The following JADE1 variants were observed in gnomAD, a reference collection of about 807,000 sequenced individuals.
JADE1 encodes protein Jade-1.
A neutral mutation model predicts 81.8 loss-of-function variants in JADE1; 14 were observed. The ratio of observed to expected loss-of-function variants is 0.17; its 90% CI spans 0.11 to 0.27. The LOEUF (loss-of-function observed/expected upper bound fraction) is 0.27, where lower values mean the gene tolerates loss of function less well. Ranked by LOEUF, JADE1 falls within the 10% of genes least tolerant of loss-of-function variation. The pLI, the probability that JADE1 is intolerant of heterozygous loss-of-function variation, is 1.00. For missense variants in JADE1, 690 were observed against 1,047.9 expected (o/e 0.66, Z 4.71); for synonymous variants, 353 against 391.9 (o/e 0.90, Z 1.17).
chr4:128,826,325 T>C (rs58728331), intron 1 of JADE1, among the ~76,000 whole-genome samples: 3,402 of 152,150 alleles, frequency 0.022, 110 homozygotes, highest in African/African-American at 0.074. Flanking sequence ...CATTGCAGTG[T>C]TCCCTATACC....
chr4:128,832,951 T>G (rs1401022447), intron 2 of JADE1, among the ~76,000 whole-genome samples: 1 of 151,940 alleles, frequency 6.6e-6, no homozygotes, highest in Non-Finnish European at 1.5e-5. Flanking sequence ...ACGGGGCTTT[T>G]GGGGAGGAGA....
At chr4:128,833,626 G>A (rs1375601807) in intron 2 of JADE1, among the ~76,000 whole-genome samples, 5 of 152,142 alleles carry the variant, frequency 3.3e-5, no homozygotes, top group Admixed American at 1.3e-4. Flanking sequence ...CCCAGGAGAC[G>A]GAGGTTGCAG....
chr4:128,809,937 T>C (rs1281747855), intron 1 of JADE1, 60 bp downstream of exon 1: 4 of 149,468 alleles, frequency 2.7e-5, no homozygotes, highest in African/African-American at 7.4e-5. Context: ...TGTCCGCGCG[T>C]GTCCGCGTGT....
rs754590648 is a variant in JADE1 at position 128,871,964 on chromosome 4, C to T, written c.2231C>T (p.Pro744Leu). 1.9e-6 allele frequency: 3 copies of T among 1,613,914 alleles called. No individual in the cohort carries two copies. Among genetic ancestry groups the T allele is most frequent in the South Asian group, 2.2e-5 (2 of 91,074 alleles). The change falls in exon 11 of 11, where the codon CCA (proline) becomes CTA (leucine). Residue 744 changes from proline (P) to leucine (L), a missense_variant. Physicochemically the swap from Pro to Leu is moderately conservative, Grantham distance 98. Coordinates refer to ENST00000226319, the MANE Select transcript of JADE1 (RefSeq NM_199320.4). This position sits in a 1 kb window ranked among gnomAD's most constrained non-coding sequence, Gnocchi z 4.1. The part of the protein sequence containing the change: ...AVKVPTTPAS[P>L]VKNWGGFRIP... The stretch of plus-strand genomic sequence containing the variant: ...AAAGTGCCTACAACACCTGCCAGCC[C>T]AGTGAAAAACTGGGGAGGATTCCGG...
chr4:128,834,719 A>G lies in JADE1; in HGVS notation c.52+2909A>G, dbSNP rs181935053. Among the ~76,000 whole-genome samples the G allele has an allele frequency of 3.8e-3, 574 of 151,938 alleles. 1 individual carries two copies. The highest frequency in any genetic ancestry group is 0.011 in the African/African-American group (475 of 41,436). The stretch of plus-strand genomic sequence containing the variant: ...CGGCTACTTTTTTGTATTTTTTAGT[A>G]GAGACAGGGTTTCATCATGTTAGCC... On this transcript the variant is annotated intron_variant, in intron 2 of 10. Transcript: ENST00000226319.
rs1732358547 is a variant in JADE1, at chr4:128,873,442, T to G, written c.*1180T>G. ...TGAATAGGTTTTCTGTAGTCAGAGT[T>G]CTAAACTCTAATTTGTAACTTGGAC... On this transcript the variant is annotated 3_prime_UTR_variant, in exon 11 of 11. Transcript: ENST00000226319. 6.6e-6 allele frequency: 1 copy of G among 152,616 alleles called. No individual in the cohort carries two copies. Among genetic ancestry groups the G allele is most frequent in the South Asian group, 2.1e-4 (1 of 4,824 alleles). 9.5% of individuals were successfully genotyped at this position (152,616 alleles called of 1,614,324 possible). A position where few individuals can be genotyped will look rare whatever the true frequency, so the allele number is the denominator to read the frequency against.
intron 8 of JADE1, among the ~76,000 whole-genome samples, chr4:128,859,504 TGTATGCGTGTGA>T (rs1443711176): frequency 6.6e-6 from 1 of 152,026 alleles, no homozygotes; most frequent in East Asian, 1.9e-4. Context: ...TGTGTATGTG[TGTATGCGTGTGA>T]GTATGCTTGT....
intron 1 of JADE1, among the ~76,000 whole-genome samples, chr4:128,816,947 C>T (rs1012140257): frequency 4.0e-5 from 6 of 149,312 alleles, no homozygotes; most frequent in South Asian, 2.1e-4. Context: ...GGTGGGATCT[C>T]GGCTCACTGC....
intron 2 of JADE1, among the ~76,000 whole-genome samples, chr4:128,838,830 A>G (rs1729196992): frequency 6.6e-6 from 1 of 152,178 alleles, no homozygotes. Context: ...GTGTTGGTGT[A>G]GCAATGTCAA....
At chr4:128,812,370 C>G (rs545548695) in intron 1 of JADE1, among the ~76,000 whole-genome samples, 1 of 151,220 alleles carries the variant, frequency 6.6e-6, no homozygotes, top group African/African-American at 2.4e-5. Context: ...CCTGCGCATT[C>G]CCCGGCGGGC....
In JADE1 at chr4:128,852,380, A is replaced by G. The variant is rs116329639; in HGVS notation, c.696+112A>G. 1.5e-3 allele frequency: 1,186 copies of G among 812,138 alleles called. 17 individuals are homozygous for G. In the African/African-American group the frequency reaches 0.018, roughly 12 times the overall value. The allele number at this position is 812,138 out of a possible 1,614,324, so 50.3% of individuals were successfully genotyped here. On this transcript the variant is annotated intron_variant, in intron 6 of 10. Transcript: ENST00000226319. ...TCCTCCGAATGGGGTCTGTGTTTCT[A>G]CGATTTAAAGAAATGTGCCCTATAG...
intron 1 of JADE1, among the ~76,000 whole-genome samples, chr4:128,827,095 C>G (rs1474307715): frequency 6.6e-6 from 1 of 152,114 alleles, no homozygotes; most frequent in Non-Finnish European, 1.5e-5. Context: ...TCCACCGGCC[C>G]CACCCTCCTC....
At chr4:128,829,910 C>G (rs1176083023) in intron 1 of JADE1, among the ~76,000 whole-genome samples, 1 of 151,972 alleles carries the variant, frequency 6.6e-6, no homozygotes, top group Non-Finnish European at 1.5e-5. Context: ...CAGAATCTCA[C>G]TGTGTCACAT....
chr4:128,857,260 G>C (rs1402269964), intron 7 of JADE1, 78 bp from the exon 8 acceptor site: 10 of 1,082,114 alleles, frequency 9.2e-6, no homozygotes, highest in Non-Finnish European at 1.4e-5. Flanking sequence ...GGAAAGTAAT[G>C]GATCTTTTAG....
chr4:128,835,328 C>A (rs559027825), intron 2 of JADE1, among the ~76,000 whole-genome samples: 2 of 152,286 alleles, frequency 1.3e-5, no homozygotes, highest in South Asian at 2.1e-4. Flanking sequence ...TAGTGGTAAA[C>A]GCAGAGTTCT....
At chr4:128,824,735 A>G (rs1406458484) in intron 1 of JADE1, among the ~76,000 whole-genome samples, 1 of 152,260 alleles carries the variant, frequency 6.6e-6, no homozygotes, top group Non-Finnish European at 1.5e-5. Context: ...ATATAAAAGT[A>G]TGTAGCGGTC....
chr4:128,812,629 G>GCGGCCGCAGTCCCGGCGC (rs1459116195), intron 1 of JADE1, among the ~76,000 whole-genome samples: 13 of 152,358 alleles, frequency 8.5e-5, no homozygotes, highest in African/African-American at 3.1e-4. Context: ...GCGGGTGGGG[G>GCGGCCGCAGTCCCGGCGC]CGGCCGCAGT....
rs370503362 is a variant in JADE1, at chr4:128,861,844, C to T, written c.1122C>T (p.Pro374=). Residue 374 remains proline, a synonymous_variant, in exon 9 of 11, where the codon CCC becomes CCT. Transcript: ENST00000226319. ...CAAAGCACAGCTCACATAGGAAACC[C>T]GAGGAGAGTCTTGGCAAGGGGGCTG... ...YCPKHSSHRK[P]EESLGKGAAQ... The T allele has an allele frequency of 1.5e-5, 25 of 1,614,150 alleles. No individual in the cohort carries two copies. Among genetic ancestry groups the T allele is most frequent in the Middle Eastern group, 3.3e-4 (2 of 6,062 alleles).
At position 128,864,207 on chromosome 4, in the gene JADE1, G is replaced by T. The variant is rs1032508840; in HGVS notation, c.1503+1982G>T. ...TTGTTGCCCAGGCTGGAGTGCAGTG[G>T]CGTGATCTCGGCTCACTGCAGCCTC... On this transcript the variant is annotated intron_variant, in intron 9 of 10. Transcript: ENST00000226319. The T allele has an allele frequency of 3.8e-6, 3 of 782,948 alleles. No individual in the cohort carries two copies. In the African/African-American group the frequency reaches 5.6e-5, roughly 15 times the overall value. The allele number at this position is 782,948 out of a possible 1,614,324, so 48.5% of individuals were successfully genotyped here.
Sources: gnomAD v4.1 joint callset for allele counts (sites outside exome capture counted in the v4.1 genomes callset) on GRCh38, gnomAD v4.1.1 for gene constraint, Gnocchi (gnomAD v3.1) non-coding constraint, MANE v1.5 for transcripts, NCBI Gene and HGNC (gene_info 2026-07-23, HGNC 2026-07-21) for gene names.